The following CTNNA1 variants were observed in gnomAD, a reference collection of about 807,000 sequenced individuals.
CTNNA1 encodes the protein catenin alpha-1.
In CTNNA1, 37 loss-of-function variants were observed where a neutral mutation model predicts 98.4. The observed-to-expected ratio is 0.38, with a 90% CI of 0.29 to 0.49. The LOEUF is 0.49. Among genes scored for constraint, CTNNA1 ranks in the 20% least tolerant of loss-of-function variants. The pLI, the probability that CTNNA1 is intolerant of heterozygous loss-of-function variation, is 0.95. For missense variants in CTNNA1, 761 were observed against 1,147.2 expected, an observed-to-expected ratio of 0.66 and a Z score of 4.86; for synonymous variants, 404 against 413.2, an observed-to-expected ratio of 0.98 and a Z score of 0.27.
intron 10 of CTNNA1, among the ~76,000 whole-genome samples, chr5:138,910,246 TTTTTTTTG>T: frequency 6.8e-6 from 1 of 146,274 alleles, no homozygotes. Flanking sequence ...TTTTTTTTTT[TTTTTTTTG>T]GAAAAATCTG....
At chr5:138,806,344 C>T (rs762371612) in intron 3 of CTNNA1, among the ~76,000 whole-genome samples, 1 of 151,082 alleles carries the variant, frequency 6.6e-6, no homozygotes. Flanking sequence ...TCCACAGTCT[C>T]GAGGGTCCTA....
intron 7 of CTNNA1, chr5:138,872,123 T>C (rs1750723802): frequency 6.6e-6 from 1 of 152,182 alleles, no homozygotes; most frequent in Admixed American, 6.6e-5. Flanking sequence ...CAGTTTGTCT[T>C]GTTTATCTCC....
intron 7 of CTNNA1, among the ~76,000 whole-genome samples, chr5:138,861,850 G>A (rs769170665): frequency 1.3e-5 from 2 of 152,156 alleles, no homozygotes; most frequent in African/African-American, 2.4e-5. Context: ...TTTCCAAATC[G>A]TGTAGATTAT....
chr5:138,914,869 C>T (rs531467565), intron 10 of CTNNA1, among the ~76,000 whole-genome samples: 7 of 152,204 alleles, frequency 4.6e-5, no homozygotes, highest in East Asian at 1.9e-4. Context: ...TTTACTGGGC[C>T]GGGCGCAGTG....
At chr5:138,777,639 C>T (rs1286979977) in intron 1 of CTNNA1, among the ~76,000 whole-genome samples, 27 of 151,330 alleles carry the variant, frequency 1.8e-4, no homozygotes, top group African/African-American at 5.6e-4. Context: ...GCGGATCACT[C>T]GCGGTTAGGA....
Position 138,874,816 on chromosome 5 carries a change from G to A in CTNNA1, c.1063-11396G>A. The A allele has an allele frequency of 8.0e-7, 1 of 1,254,084 alleles. No individual in the cohort carries two copies. The highest frequency in any genetic ancestry group is 1.9e-5 in the Admixed American group (1 of 51,574). The allele number at this position is 1,254,084 out of a possible 1,614,324, so 77.7% of individuals were successfully genotyped here. ...AAACCTCAAAATCCAAAATATGATG[G>A]TGATTTCCCTCATAAAATGTGAATT... On this transcript the variant is annotated intron_variant, in intron 7 of 17. Coordinates refer to ENST00000302763, the MANE Select transcript of CTNNA1 (RefSeq NM_001903.5). This position sits in a 1 kb window ranked among gnomAD's most constrained non-coding sequence, Gnocchi z 4.1.
At chr5:138,829,721 T>C (rs1761073112) in intron 7 of CTNNA1, among the ~76,000 whole-genome samples, 1 of 152,194 alleles carries the variant, frequency 6.6e-6, no homozygotes, top group South Asian at 2.1e-4. Flanking sequence ...CAATGTGTGA[T>C]GTGAGGCTGA....
At chr5:138,828,507 C>A (rs1020526252) in intron 7 of CTNNA1, among the ~76,000 whole-genome samples, 2 of 151,922 alleles carry the variant, frequency 1.3e-5, no homozygotes, top group Admixed American at 6.6e-5. Flanking sequence ...GTCATTTAGA[C>A]CTTGGACCCA....
At chr5:138,767,541 C>G (rs573504343) in intron 1 of CTNNA1, among the ~76,000 whole-genome samples, 1 of 152,276 alleles carries the variant, frequency 6.6e-6, no homozygotes, top group South Asian at 2.1e-4. Context: ...TTGGGTGCCC[C>G]TGGAGCACTT....
At chr5:138,768,605 C>T (rs551064126) in intron 1 of CTNNA1, among the ~76,000 whole-genome samples, 1 of 114,340 alleles carries the variant, frequency 8.7e-6, no homozygotes, top group African/African-American at 3.4e-5. Flanking sequence ...TGCTGTGTTG[C>T]TTAGGCTGGA....
chr5:138,925,390 G>T lies in CTNNA1; in HGVS notation c.1882G>T (p.Ala628Ser), dbSNP rs1192687150. 6.2e-7 allele frequency: 1 copy of T among 1,614,144 alleles called. No individual in the cohort carries two copies. The highest frequency in any genetic ancestry group is 8.5e-7 in the Non-Finnish European group (1 of 1,180,040). Residue 628 changes from alanine to serine, a missense_variant, in exon 13 of 18, where the codon GCA becomes TCA. This residue lies in a region of CTNNA1 where 287 missense variants were observed against 436.0 expected (regional missense o/e 0.66). Coordinates refer to ENST00000302763, the MANE Select transcript of CTNNA1 (RefSeq NM_001903.5). Reference protein sequence around the residue: ...VYDGIRDIRKAVLMIRTPEEL... With the variant: ...VYDGIRDIRKSVLMIRTPEEL... ...TGATGGCATCCGGGACATCAGGAAA[G>T]CAGTGCTGATGATAAGGGTGAGTAA...
chr5:138,827,409 TG>T (rs1264792656), intron 6 of CTNNA1, 105 bp from the exon 7 acceptor site: 2 of 1,282,508 alleles, frequency 1.6e-6, no homozygotes, highest in East Asian at 2.5e-5. Context: ...TTTCAGATGT[TG>T]GAATTTTTGT....
Position 138,887,387 on chromosome 5 carries a change from A to C in CTNNA1, c.1144-103A>C, listed in dbSNP as rs541097856. The C allele has an allele frequency of 2.4e-4, 196 of 802,184 alleles. No individual in the cohort carries two copies. The African/African-American group carries it at 3.2e-3, about 13-fold the overall frequency. The allele number at this position is 802,184 out of a possible 1,614,324, so 49.7% of individuals were successfully genotyped here. A position where few individuals can be genotyped will look rare whatever the true frequency, so the allele number is the denominator to read the frequency against. On this transcript the variant is annotated intron_variant, in intron 8 of 17. Coordinates refer to ENST00000302763, the MANE Select transcript of CTNNA1 (RefSeq NM_001903.5). Reference sequence around the variant, plus strand: ...GTCCTCATGTAAGTGCAGCAAGTCTACCGTAAGCTTCATTAGATTTAAGTG... The same window carrying C: ...GTCCTCATGTAAGTGCAGCAAGTCTCCCGTAAGCTTCATTAGATTTAAGTG...
intron 16 of CTNNA1, 89 bp downstream of exon 16, chr5:138,931,024 C>G (rs973493722): frequency 3.8e-6 from 3 of 781,840 alleles, no homozygotes; most frequent in Non-Finnish European, 6.8e-6. Flanking sequence ...GTTTCATGGG[C>G]CACAGCACTT....
intron 10 of CTNNA1, among the ~76,000 whole-genome samples, chr5:138,911,987 G>A (rs573880745): frequency 5.9e-5 from 9 of 152,328 alleles, no homozygotes; most frequent in African/African-American, 2.2e-4. Context: ...GATGGTTTGG[G>A]GAAAGAGATA....
intron 10 of CTNNA1, among the ~76,000 whole-genome samples, chr5:138,909,889 G>A (rs1760165048): frequency 6.6e-6 from 1 of 152,208 alleles, no homozygotes; most frequent in Non-Finnish European, 1.5e-5. Flanking sequence ...ATACATACAG[G>A]ACGGGGCAGA....
At chr5:138,927,757 G>GT (rs1764449121) in intron 13 of CTNNA1, among the ~76,000 whole-genome samples, 1 of 150,952 alleles carries the variant, frequency 6.6e-6, no homozygotes, top group Non-Finnish European at 1.5e-5. Flanking sequence ...AGAGTACTCG[G>GT]TTTTCTTGGC....
chr5:138,842,561 T>TA (rs1484109424), intron 7 of CTNNA1, among the ~76,000 whole-genome samples: 4 of 152,210 alleles, frequency 2.6e-5, no homozygotes, highest in African/African-American at 4.8e-5. Flanking sequence ...CTTATGCCGT[T>TA]AAAGTTTTTC....
chr5:138,813,462 T>TA (rs1382081523), intron 5 of CTNNA1, among the ~76,000 whole-genome samples: 3 of 152,176 alleles, frequency 2.0e-5, no homozygotes, highest in African/African-American at 7.2e-5. Context: ...TGCTCTGGGT[T>TA]AAGGGGTAGC....
Sources: allele counts gnomAD v4.1 joint callset (sites outside exome capture counted in the v4.1 genomes callset), GRCh38; gene constraint gnomAD v4.1.1; regional missense constraint gnomAD v4.1.1; non-coding constraint Gnocchi (gnomAD v3.1); transcripts MANE v1.5; gene names NCBI Gene and HGNC (gene_info 2026-07-23, HGNC 2026-07-21).